TERT: variants seen among roughly 807,000 people sequenced by gnomAD.
The protein encoded by TERT is telomerase catalytic subunit.
TERT carries 42 observed loss-of-function variants against 104.0 expected under a neutral mutation model. The ratio of observed to expected loss-of-function variants is 0.40; its 90% confidence interval spans 0.32 to 0.52. The LOEUF (loss-of-function observed/expected upper bound fraction) is 0.52. TERT is among the 20% of genes least tolerant of loss of function. The pLI is 0.43. For missense variants in TERT, 1,101 were observed against 1,610.3 expected, an observed-to-expected ratio of 0.68 and a Z score of 5.41; for synonymous variants, 781 against 725.6, an observed-to-expected ratio of 1.08 and a Z score of -1.23.
chr5:1,281,055 C>T (rs1238227287), intron 3 of TERT, among the ~76,000 whole-genome samples: 3 of 152,140 alleles, frequency 2.0e-5, no homozygotes, highest in Non-Finnish European at 4.4e-5. Context: ...GAGGGGCCTC[C>T]AAGGCCCCCC....
Position 1,288,028 on chromosome 5 carries a change from A to G in TERT, c.1573+5285T>C, listed in dbSNP as rs1397199415. Among the ~76,000 whole-genome samples the G allele has an allele frequency of 2.0e-5, 3 of 152,144 alleles. No individual in the cohort carries two copies. The highest frequency in any genetic ancestry group is 6.6e-5 in the Admixed American group (1 of 15,260). On this transcript the variant is annotated intron_variant, in intron 2 of 15. Transcript: ENST00000310581. This position sits in a 1 kb window ranked among gnomAD's most constrained non-coding sequence, Gnocchi z 5.3. ...CTTAAAATACTCTACGTATCTTGAT[A>G]CTCTACATATCTTGAACATAAACAG...
Position 1,253,506 on chromosome 5 carries a change from G to A in TERT, c.*222C>T. 1 of 599,024 alleles carries A rather than the reference G, an allele frequency of 1.7e-6. No individual in the cohort carries two copies. The highest frequency in any genetic ancestry group is 1.8e-5 in the African/African-American group (1 of 54,084). The allele number at this position is 599,024 out of a possible 1,614,324, so 37.1% of individuals were successfully genotyped here. A position where few individuals can be genotyped will look rare whatever the true frequency, so the allele number is the denominator to read the frequency against. ...AGCCTGTGGGGAAGTGAAGACGGCA[G>A]GTGTGCTGGACACTCAGCCCTTGGC... is the stretch of plus-strand genomic sequence containing the variant. On this transcript the variant is annotated 3_prime_UTR_variant, in exon 16 of 16. Coordinates refer to ENST00000310581, the MANE Select transcript of TERT (RefSeq NM_198253.3).
At chr5:1,254,075 G>C (rs1747535972) in intron 15 of TERT, among the ~76,000 whole-genome samples, 1 of 152,218 alleles carries the variant, frequency 6.6e-6, no homozygotes, top group South Asian at 2.1e-4. Flanking sequence ...CAGCAGCCAG[G>C]GAAGAGGCTG....
rs1334806555 is a variant in TERT at position 1,293,994 on chromosome 5, A to T, written c.892T>A (p.Ser298Thr). Reference sequence around the variant, plus strand: ...CCCGCGTGGTGCTGGCGGCCCACGGATGGGTGGGAGTGGCGCGTGCCAGAG... The same window carrying T: ...CCCGCGTGGTGCTGGCGGCCCACGGTTGGGTGGGAGTGGCGCGTGCCAGAG... Reference protein sequence around the residue: ...ALSGTRHSHPSVGRQHHAGPP... With the variant: ...ALSGTRHSHPTVGRQHHAGPP... Residue 298 changes from serine (S) to threonine (T), a missense_variant, in exon 2 of 16, where the codon TCC (serine) becomes ACC (threonine). Around this residue, in one of 5 missense-constraint regions of TERT, gnomAD observed 504 missense variants for 544.6 expected, o/e 0.93. Transcript: ENST00000310581. The T allele has an allele frequency of 3.2e-6, 5 of 1,575,906 alleles. No homozygotes were observed. In the Admixed American group the frequency reaches 9.0e-5, roughly 28 times the overall value.
chr5:1,261,957 C>T lies in TERT; in HGVS notation c.2844-1357G>A, dbSNP rs533552204. On this transcript the variant is annotated intron_variant, in intron 11 of 15. Coordinates refer to ENST00000310581, the MANE Select transcript of TERT (RefSeq NM_198253.3). The surrounding 1 kb of genome is among the most constrained non-coding windows in gnomAD (Gnocchi z 7.4). ...GATGAATGTGCAGGACCTCACAGGG[C>T]GCCTTAAATAAATCACGTGCACAAA... Among the ~76,000 whole-genome samples the T allele has an allele frequency of 5.5e-4, 83 of 152,278 alleles. No homozygotes were observed. Among genetic ancestry groups the T allele is most frequent in the Middle Eastern group, 3.4e-3 (1 of 294 alleles).
chr5:1,293,504 A>C lies in TERT; in HGVS notation c.1382T>G (p.Val461Gly), dbSNP rs751505899. 1 of 1,578,696 alleles carries C rather than the reference A, an allele frequency of 6.3e-7. No individual in the cohort carries two copies. The highest frequency in any genetic ancestry group is 8.6e-7 in the Non-Finnish European group (1 of 1,163,048). ...CAGGCAGGCCCGCACGAAGCCGTAC[A>C]CCTGCCAGGGGCTGCTGTGCTGGCG... Reference protein sequence around the residue: ...LLRQHSSPWQVYGFVRACLRR... With the variant: ...LLRQHSSPWQGYGFVRACLRR... The change falls in exon 2 of 16, where the codon GTG becomes GGG. Residue 461 changes from valine to glycine, a missense_variant. By Grantham distance (109) the Val-to-Gly change is moderately radical (BLOSUM62 -3). Around this residue, in one of 5 missense-constraint regions of TERT, gnomAD observed 504 missense variants for 544.6 expected, o/e 0.93. Transcript: ENST00000310581.
At chr5:1,279,213 C>T in intron 5 of TERT, 78 bp downstream of exon 5, 3 of 1,489,318 alleles carry the variant, frequency 2.0e-6, no homozygotes, top group Admixed American at 2.0e-5. Flanking sequence ...AGTACCTCCT[C>T]CACCCAACAT....
chr5:1,293,176 G>A, intron 2 of TERT, 137 bp downstream of exon 2: 9 of 976,906 alleles, frequency 9.2e-6, no homozygotes, highest in Admixed American at 2.2e-5. Flanking sequence ...GTGTCCACTC[G>A]ACGTCCTGAG....
chr5:1,258,577 C>A, intron 13 of TERT, 21 bp downstream of exon 13: 1 of 1,559,288 alleles, frequency 6.4e-7, no homozygotes, highest in Non-Finnish European at 8.7e-7. Flanking sequence ...GCTGGGCCTG[C>A]ACCCCTTGGT....
Position 1,269,656 on chromosome 5 carries a change from G to T in TERT, c.2469-1023C>A, listed in dbSNP as rs1302652544. ...AAAAGAAAAGAGGCTTTCCTTGCTG[G>T]TGCAGATATCACAGTGATGGGCAAG... On this transcript the variant is annotated intron_variant, in intron 8 of 15. Coordinates refer to ENST00000310581, the MANE Select transcript of TERT (RefSeq NM_198253.3). This position sits in a 1 kb window ranked among gnomAD's most constrained non-coding sequence, Gnocchi z 9.0. Among the ~76,000 whole-genome samples, 1 of 152,002 alleles carries T rather than the reference G, an allele frequency of 6.6e-6. No homozygotes were observed. Among genetic ancestry groups the T allele is most frequent in the African/African-American group, 2.4e-5 (1 of 41,384 alleles).
At chr5:1,276,427 C>A (rs111667028) in intron 6 of TERT, among the ~76,000 whole-genome samples, 6 of 145,888 alleles carry the variant, frequency 4.1e-5, no homozygotes, top group Non-Finnish European at 6.0e-5. Flanking sequence ...CCACCTACCC[C>A]ACGGATGAAA....
At position 1,290,149 on chromosome 5, in the gene TERT, C is replaced by G. The variant is rs1372545993; in HGVS notation, c.1573+3164G>C. 8.1e-5 allele frequency among the ~76,000 whole-genome samples: 7 copies of G among 86,640 alleles called. 1 individual carries two copies. Among genetic ancestry groups the G allele is most frequent in the African/African-American group, 5.2e-4 (7 of 13,542 alleles). 56.8% of individuals were successfully genotyped at this position (86,640 alleles called of 152,430 possible). A position where few individuals can be genotyped will look rare whatever the true frequency, so the allele number is the denominator to read the frequency against. On this transcript the variant is annotated intron_variant, in intron 2 of 15. Coordinates refer to ENST00000310581, the MANE Select transcript of TERT (RefSeq NM_198253.3). ...ACCCGGGGGCCGCGCCTCACTCACC[C>G]TACACGTGACAGGGACACCCGGGGA...
chr5:1,291,121 G>A (rs1164977489), intron 2 of TERT, among the ~76,000 whole-genome samples: 3 of 136,012 alleles, frequency 2.2e-5, no homozygotes, highest in African/African-American at 8.7e-5. Flanking sequence ...CACCCTGCAC[G>A]TGACAGGGAC....
rs2126649224 is a variant in TERT at position 1,282,410 on chromosome 5, T to G, written c.1769+19A>C. 1.2e-6 allele frequency: 2 copies of G among 1,613,294 alleles called. No homozygotes were observed. The highest frequency in any genetic ancestry group is 1.7e-6 in the Non-Finnish European group (2 of 1,179,420). ...TCCAGGACTTCGAGAAGCAGAGGCC[T>G]GGCGTGGGGATACAGTACCTGATTC... On this transcript the variant is annotated intron_variant, in intron 3 of 15. Coordinates refer to ENST00000310581, the MANE Select transcript of TERT (RefSeq NM_198253.3).
chr5:1,269,423 A>C lies in TERT; in HGVS notation c.2469-790T>G, dbSNP rs1469281954. 1.3e-5 allele frequency among the ~76,000 whole-genome samples: 2 copies of C among 152,188 alleles called. No individual in the cohort carries two copies. Among genetic ancestry groups the C allele is most frequent in the African/African-American group, 4.8e-5 (2 of 41,434 alleles). On this transcript the variant is annotated intron_variant, in intron 8 of 15. Coordinates refer to ENST00000310581, the MANE Select transcript of TERT (RefSeq NM_198253.3). This position sits in a 1 kb window ranked among gnomAD's most constrained non-coding sequence, Gnocchi z 9.0. ...TCAGGAGTTCGAGACCAGCCTGGCC[A>C]ACATGGCAAAAACCCCTCTCTACTA...
rs368430301 is a variant in TERT, at chr5:1,279,407, G to A, written c.2014C>T (p.Arg672Cys). The change falls in exon 5 of 16, where the codon CGC becomes TGC. Residue 672 changes from arginine (R) to cysteine (C), a missense_variant. This residue lies in a region of TERT where 463 missense variants were observed against 797.5 expected (regional missense o/e 0.58). Coordinates refer to ENST00000310581, the MANE Select transcript of TERT (RefSeq NM_198253.3). ...ACAGAGGCGCCCAGGAGGCCGGGGCGCCGCGCCCGCTCGTAGTTGAGCACG... is the reference window on the plus strand; with the variant it reads ...ACAGAGGCGCCCAGGAGGCCGGGGCACCGCGCCCGCTCGTAGTTGAGCACG... ...FSVLNYERAR[R>C]PGLLGASVLG... is the part of the protein sequence containing the mutation. The A allele has an allele frequency of 6.0e-5, 93 of 1,552,158 alleles. No homozygotes were observed. The highest frequency in any genetic ancestry group is 6.8e-5 in the African/African-American group (5 of 73,184).
chr5:1,293,927 G>A lies in TERT; in HGVS notation c.959C>T (p.Pro320Leu), dbSNP rs1751178484. 1.3e-6 allele frequency: 2 copies of A among 1,543,332 alleles called. No individual in the cohort carries two copies. Among genetic ancestry groups the A allele is most frequent in the Non-Finnish European group, 8.7e-7 (1 of 1,147,548 alleles). Residue 320 changes from proline to leucine, a missense_variant, in exon 2 of 16, where the codon CCT becomes CTT. Transcript: ENST00000310581. ...GGTCTCGGCGTACACCGGGGGACAA[G>A]GCGTGTCCCAGGGACGTGGTGGCCG... ...TSRPPRPWDT[P>L]CPPVYAETKH...
chr5:1,289,819 G>C (rs554238898), intron 2 of TERT, among the ~76,000 whole-genome samples: 1 of 107,764 alleles, frequency 9.3e-6, no homozygotes, highest in African/African-American at 4.4e-5. Context: ...CACCCTGAAC[G>C]TGACAGGGAC....
At chr5:1,260,384 C>T in intron 12 of TERT, 90 bp downstream of exon 12, 1 of 1,594,826 alleles carries the variant, frequency 6.3e-7, no homozygotes, top group Admixed American at 1.7e-5. Flanking sequence ...TCACCATCAG[C>T]CTTGCAGGCA....
Sources: gnomAD v4.1 joint callset for allele counts (sites outside exome capture counted in the v4.1 genomes callset) on GRCh38, gnomAD v4.1.1 for gene constraint, gnomAD v4.1.1 regional missense constraint, Gnocchi (gnomAD v3.1) non-coding constraint, MANE v1.5 for transcripts, NCBI Gene and HGNC (gene_info 2026-07-23, HGNC 2026-07-21) for gene names.